The following JADE2 variants were observed in gnomAD, a reference collection of about 807,000 sequenced individuals.
JADE2 encodes jade family PHD finger 2.
JADE2 carries 13 observed loss-of-function variants against 85.7 expected under a neutral mutation model. The ratio of observed to expected loss-of-function variants is 0.15; its 90% CI spans 0.10 to 0.24. The LOEUF (loss-of-function observed/expected upper bound fraction) is 0.24, where lower values mean the gene tolerates loss of function less well. Among genes scored for constraint, JADE2 ranks in the 10% least tolerant of loss-of-function variants. The pLI, the probability that JADE2 is intolerant of heterozygous loss-of-function variation, is 1.00. For missense variants in JADE2, 846 were observed against 1,115.9 expected (o/e 0.76, Z 3.45); for synonymous variants, 440 against 456.1 (o/e 0.96, Z 0.45).
chr5:134,545,474 G>C (rs535568525), intron 3 of JADE2, among the ~76,000 whole-genome samples: 28 of 152,132 alleles, frequency 1.8e-4, no homozygotes, highest in Non-Finnish European at 2.9e-4. Context: ...AACTGGGCAG[G>C]GGGTAGCTAT....
At chr5:134,570,139 C>T (rs13178130) in intron 9 of JADE2, among the ~76,000 whole-genome samples, 59,362 of 152,096 alleles carry the variant, frequency 0.39, 11,656 homozygotes, top group South Asian at 0.49. Context: ...AGAGCCACTC[C>T]CTCCACCAGG....
At position 134,533,179 on chromosome 5, in the gene JADE2, C is replaced by T. The variant is rs181932253; in HGVS notation, c.1-2679C>T. 4.1e-4 allele frequency among the ~76,000 whole-genome samples: 62 copies of T among 152,234 alleles called. 1 individual carries two copies. In the East Asian group the frequency reaches 8.5e-3, roughly 21 times the overall value. On this transcript the variant is annotated intron_variant, in intron 1 of 11. Coordinates refer to ENST00000681547, the MANE Select transcript of JADE2 (RefSeq NM_001388185.1). Reference sequence around the variant, plus strand: ...GGTCACTGCCTCTTTTTTAGGAGCCCCTCCTCCAGGACTTTCCGACCTGGT... The same window carrying T: ...GGTCACTGCCTCTTTTTTAGGAGCCTCTCCTCCAGGACTTTCCGACCTGGT...
At chr5:134,533,869 C>T (rs547989700) in intron 1 of JADE2, among the ~76,000 whole-genome samples, 3 of 151,934 alleles carry the variant, frequency 2.0e-5, no homozygotes, top group South Asian at 4.2e-4. Context: ...ACCTCAGCCT[C>T]CTGCATAGCT....
At chr5:134,553,989 CCCA>C (rs1762762877) in intron 4 of JADE2, among the ~76,000 whole-genome samples, 1 of 152,202 alleles carries the variant, frequency 6.6e-6, no homozygotes, top group African/African-American at 2.4e-5. Flanking sequence ...GCCTCCCCCA[CCCA>C]CCAGTCTGCC....
At position 134,563,166 on chromosome 5, in the gene JADE2, A is replaced by G. The variant is rs1763429467; in HGVS notation, c.852+799A>G. Among the ~76,000 whole-genome samples, 3 of 152,124 alleles carry G rather than the reference A, an allele frequency of 2.0e-5. No individual in the cohort carries two copies. In the South Asian group the frequency reaches 6.2e-4, roughly 32 times the overall value. On this transcript the variant is annotated intron_variant, in intron 7 of 11. Transcript: ENST00000681547. ...CCCCGTCTCTACTAAAAATACAAAA[A>G]AAAAATTAGCTGGGCTTAGCACATG...
At chr5:134,536,017 T>G (rs1761562680) in intron 2 of JADE2, 102 bp downstream of exon 2, 4 of 958,594 alleles carry the variant, frequency 4.2e-6, no homozygotes, top group Non-Finnish European at 6.7e-6. Context: ...TTAATTTCAC[T>G]AAGAGGCATG....
In JADE2 at chr5:134,578,784, G is replaced by C. The variant is rs78454672; in HGVS notation, c.1972G>C (p.Gly658Arg). The change falls in exon 12 of 12, where the codon GGG becomes CGG. Residue 658 changes from glycine (G) to arginine (R), a missense_variant. By Grantham distance (125) the Gly-to-Arg change is moderately radical. Transcript: ENST00000681547. This position sits in a 1 kb window ranked among gnomAD's most constrained non-coding sequence, Gnocchi z 4.4. ...ACCACCACCACCACCACCGCAGGACGGGCCTGGTTCACGGACGACTCCAGA... is the reference window on the plus strand; with the variant it reads ...ACCACCACCACCACCACCGCAGGACCGGCCTGGTTCACGGACGACTCCAGA... ...KKPPPPPPQD[G>R]PGSRTTPDKA... The C allele has an allele frequency of 6.2e-7, 1 of 1,613,672 alleles. No homozygotes were observed. The highest frequency in any genetic ancestry group is 2.2e-5 in the East Asian group (1 of 44,896).
intron 10 of JADE2, 98 bp from the exon 11 acceptor site, chr5:134,576,670 T>C: frequency 7.0e-7 from 1 of 1,423,880 alleles, no homozygotes. Flanking sequence ...GAGCACTGGC[T>C]GATGGAGGAC....
chr5:134,561,342 T>A (rs1477776155), intron 6 of JADE2, among the ~76,000 whole-genome samples: 2 of 152,384 alleles, frequency 1.3e-5, no homozygotes, highest in East Asian at 3.9e-4. Context: ...TATGTAACTT[T>A]AGGCAAGTTT....
rs768161353 is a variant in JADE2 at position 134,578,455 on chromosome 5, C to T, written c.1682-39C>T. The T allele has an allele frequency of 6.2e-6, 9 of 1,463,260 alleles. No homozygotes were observed. Among genetic ancestry groups the T allele is most frequent in the East Asian group, 2.3e-5 (1 of 43,714 alleles). The allele number at this position is 1,463,260 out of a possible 1,614,324, so 90.6% of individuals were successfully genotyped here. ...GGGCTTCCTGAAAGGGTGGGACACACGTCTGCTGGCGTCTCACTTGCCTCC... is the reference window on the plus strand; with the variant it reads ...GGGCTTCCTGAAAGGGTGGGACACATGTCTGCTGGCGTCTCACTTGCCTCC... On this transcript the variant is annotated intron_variant, in intron 11 of 11. Transcript: ENST00000681547. This position sits in a 1 kb window ranked among gnomAD's most constrained non-coding sequence, Gnocchi z 4.4.
chr5:134,533,736 CT>C (rs70976536), intron 1 of JADE2: 1,806 of 112,304 alleles, frequency 0.016, 12 homozygotes, highest in East Asian at 0.085. Flanking sequence ...CACACTCTCT[CT>C]TTTTTTTTTT....
At chr5:134,573,982 A>C in intron 10 of JADE2, 4 of 636,366 alleles carry the variant, frequency 6.3e-6, no homozygotes, top group Non-Finnish European at 1.1e-5. Flanking sequence ...CAGAGGTTGG[A>C]ATGTGGGCAT....
Position 134,566,148 on chromosome 5 carries a change from T to C in JADE2, c.1002T>C (p.His334=), listed in dbSNP as rs1763627577. Residue 334 remains histidine (H), a synonymous_variant, in exon 9 of 12, where the codon CAT becomes CAC. Coordinates refer to ENST00000681547, the MANE Select transcript of JADE2 (RefSeq NM_001388185.1). The surrounding 1 kb of genome is among the most constrained non-coding windows in gnomAD (Gnocchi z 6.7). The part of the protein sequence containing the change: ...CSMPSCVTAF[H]VTCAFDHGLE... ...TGCCTTCCTGCGTCACAGCGTTCCA[T>C]GTCACATGCGCCTTTGACCACGGCC... is the stretch of plus-strand genomic sequence containing the variant. The C allele has an allele frequency of 4.3e-6, 7 of 1,614,002 alleles. No individual in the cohort carries two copies. Among genetic ancestry groups the C allele is most frequent in the Non-Finnish European group, 5.9e-6 (7 of 1,179,966 alleles).
intron 3 of JADE2, among the ~76,000 whole-genome samples, 167 bp downstream of exon 3, chr5:134,538,250 G>T (rs1462754333): frequency 6.6e-6 from 1 of 152,228 alleles, no homozygotes; most frequent in Non-Finnish European, 1.5e-5. Context: ...AGCCTTCCAG[G>T]TTGTTGTGAA....
At chr5:134,573,926 C>T (rs773724378) in intron 10 of JADE2, 164 bp downstream of exon 10, 40 of 705,378 alleles carry the variant, frequency 5.7e-5, no homozygotes, top group African/African-American at 2.6e-4. Flanking sequence ...TAGGCCCAGA[C>T]GGGGGCCTGC....
chr5:134,539,816 T>G (rs1289329166), intron 3 of JADE2, among the ~76,000 whole-genome samples: 1 of 152,142 alleles, frequency 6.6e-6, no homozygotes, highest in Non-Finnish European at 1.5e-5. Context: ...AGCCAGCCCT[T>G]GGAGGGGGGC....
intron 4 of JADE2, among the ~76,000 whole-genome samples, chr5:134,558,965 C>G (rs1763158426): frequency 6.6e-6 from 1 of 152,218 alleles, no homozygotes. Flanking sequence ...GCGGGCAGGC[C>G]TCTCCAAGCT....
chr5:134,578,920 C>T lies in JADE2; in HGVS notation c.2108C>T (p.Pro703Leu), dbSNP rs894711670. 2 of 1,613,748 alleles carry T rather than the reference C, an allele frequency of 1.2e-6. No individual in the cohort carries two copies. The highest frequency in any genetic ancestry group is 2.7e-5 in the African/African-American group (2 of 74,934). Residue 703 changes from proline (P) to leucine (L), a missense_variant, in exon 12 of 12, where the codon CCT (proline) becomes CTT (leucine). By Grantham distance (98) the Pro-to-Leu change is moderately conservative. Coordinates refer to ENST00000681547, the MANE Select transcript of JADE2 (RefSeq NM_001388185.1). The surrounding 1 kb of genome is among the most constrained non-coding windows in gnomAD (Gnocchi z 4.4). ...RRTSSHLPSS[P>L]AAGDCPILAT... ...ACATCTTCTCACTTGCCGTCCAGCC[C>T]TGCAGCCGGGGACTGTCCCATCCTA...
chr5:134,538,860 CTT>C (rs541295980), intron 3 of JADE2, among the ~76,000 whole-genome samples: 121 of 141,538 alleles, frequency 8.5e-4, no homozygotes, highest in Non-Finnish European at 1.4e-3. Flanking sequence ...AATCCTGGCT[CTT>C]TTTTTTTTTT....
Sources: allele counts gnomAD v4.1 joint callset (sites outside exome capture counted in the v4.1 genomes callset), GRCh38; gene constraint gnomAD v4.1.1; non-coding constraint Gnocchi (gnomAD v3.1); transcripts MANE v1.5; gene names NCBI Gene and HGNC (gene_info 2026-07-23, HGNC 2026-07-21).